The following NAP1L1 variants were observed in gnomAD, a reference collection of about 807,000 sequenced individuals.
NAP1L1 encodes the protein nucleosome assembly protein 1 like 1.
In NAP1L1, 9 loss-of-function variants were observed where a neutral mutation model predicts 58.9. The observed-to-expected ratio is 0.15, with a 90% CI of 0.09 to 0.27. The LOEUF is 0.27. Ranked by LOEUF, NAP1L1 falls within the 10% of genes least tolerant of loss-of-function variation. The pLI is 1.00. For missense variants in NAP1L1, 302 were observed against 458.8 expected (o/e 0.66, Z 3.12); for synonymous variants, 130 against 138.3 (o/e 0.94, Z 0.42).
In NAP1L1 at chr12:76,059,821, G is replaced by C; in HGVS notation, c.406C>G (p.Pro136Ala). 6.2e-7 allele frequency: 1 copy of C among 1,603,346 alleles called. No individual in the cohort carries two copies. The highest frequency in any genetic ancestry group is 8.5e-7 in the Non-Finnish European group (1 of 1,176,048). ...ACCGAAATCTCATCTTCTTCATCTG[G>C]TTTCCATTCACATTCTTCTTCCGTA... Reference protein sequence around the residue: ...EPTEEECEWKPDEEDEISEEL... With the variant: ...EPTEEECEWKADEEDEISEEL... The change falls in exon 6 of 15, where the codon CCA (proline) becomes GCA (alanine). Residue 136 changes from proline (P) to alanine (A), a missense_variant. Pro to Ala is a conservative substitution (Grantham distance 27). Transcript: ENST00000618691.
rs551222769 is a variant in NAP1L1 at position 76,048,245 on chromosome 12, G to A, written c.*184C>T. 52 of 560,914 alleles carry A rather than the reference G, an allele frequency of 9.3e-5. No individual in the cohort carries two copies. In the East Asian group the frequency reaches 1.0e-3, roughly 11 times the overall value. The allele number at this position is 560,914 out of a possible 1,614,324, so 34.7% of individuals were successfully genotyped here. A position where few individuals can be genotyped will look rare whatever the true frequency, so the allele number is the denominator to read the frequency against. On this transcript the variant is annotated 3_prime_UTR_variant, in exon 15 of 15. Transcript: ENST00000618691. ...CAGAATTTGTGCATTCAACATAGCT[G>A]GCAGAAAAACTAGTTAAAATGCTAG... is the stretch of plus-strand genomic sequence containing the variant.
At chr12:76,053,721 TAAC>T in intron 9 of NAP1L1, 46 bp downstream of exon 9, 2 of 1,581,882 alleles carry the variant, frequency 1.3e-6, no homozygotes, top group Non-Finnish European at 1.7e-6. Flanking sequence ...AAATCAAGTA[TAAC>T]AAAAACAGAA....
intron 4 of NAP1L1, chr12:76,061,231 G>A (rs1949399538): frequency 1.1e-5 from 2 of 179,094 alleles, no homozygotes; most frequent in African/African-American, 4.8e-5. Context: ...TATCACCCAA[G>A]TATTAAGCCC....
intron 4 of NAP1L1, among the ~76,000 whole-genome samples, chr12:76,066,278 T>C (rs1949668795): frequency 6.6e-6 from 1 of 151,924 alleles, no homozygotes; most frequent in African/African-American, 2.4e-5. Flanking sequence ...CAATACGAAA[T>C]GTAGCAGAAA....
In NAP1L1 at chr12:76,044,781, T is replaced by C. The variant is rs1039946694; in HGVS notation, c.*3648A>G. 2.0e-5 allele frequency: 3 copies of C among 152,166 alleles called. No homozygotes were observed. The highest frequency in any genetic ancestry group is 7.2e-5 in the African/African-American group (3 of 41,436). The allele number at this position is 152,166 out of a possible 1,614,324, so 9.4% of individuals were successfully genotyped here. On this transcript the variant is annotated 3_prime_UTR_variant, in exon 15 of 15. Coordinates refer to ENST00000618691, the MANE Select transcript of NAP1L1 (RefSeq NM_004537.7). ...CTGTATTTTTGAAAATATACATCAATCAAAATTTCTTATGAATACTTATCC... is the reference window on the plus strand; with the variant it reads ...CTGTATTTTTGAAAATATACATCAACCAAAATTTCTTATGAATACTTATCC...
At chr12:76,055,183 T>C (rs1407977427) in intron 7 of NAP1L1, 93 bp from the exon 8 acceptor site, 7 of 803,782 alleles carry the variant, frequency 8.7e-6, no homozygotes, top group Middle Eastern at 2.9e-4. Flanking sequence ...AGACATAATA[T>C]ATTTCAAAGT....
intron 11 of NAP1L1, among the ~76,000 whole-genome samples, chr12:76,051,997 G>C (rs1238662698): frequency 6.6e-6 from 1 of 151,564 alleles, no homozygotes; most frequent in Non-Finnish European, 1.5e-5. Flanking sequence ...CTGGATGACA[G>C]AGCAATACTT....
Position 76,038,359 on chromosome 12 carries a change from T to C in NAP1L1, c.*10070A>G, listed in dbSNP as rs2136930958. ...GGGCAAATACCTCCATTTAAGGAAC[T>C]AAATTCCAAGGATATTTCCCTCTTT... On this transcript the variant is annotated 3_prime_UTR_variant, in exon 15 of 15. Coordinates refer to ENST00000618691, the MANE Select transcript of NAP1L1 (RefSeq NM_004537.7). 1 of 152,310 alleles carries C rather than the reference T, an allele frequency of 6.6e-6. No individual in the cohort carries two copies. Among genetic ancestry groups the C allele is most frequent in the East Asian group, 1.9e-4 (1 of 5,190 alleles). The allele number at this position is 152,310 out of a possible 1,614,324, so 9.4% of individuals were successfully genotyped here.
chr12:76,063,852 G>GA (rs374333206), intron 4 of NAP1L1, among the ~76,000 whole-genome samples: 8 of 120,308 alleles, frequency 6.6e-5, no homozygotes, highest in Admixed American at 5.3e-4. Context: ...TGAAAAGATG[G>GA]AAAAAAAAGA....
In NAP1L1 at chr12:76,060,132, C is replaced by T. The variant is rs769595161; in HGVS notation, c.348+6G>A. On this transcript the variant is annotated splice_donor_region_variant and intron_variant, in intron 5 of 14. Transcript: ENST00000618691. ...TTAAATTAAACAAAGTAGGAGAAAG[C>T]ATTACCTTATCAAATAGAGGCTGAT... is the stretch of plus-strand genomic sequence containing the variant. 6.2e-7 allele frequency: 1 copy of T among 1,610,274 alleles called. No individual in the cohort carries two copies. The highest frequency in any genetic ancestry group is 8.5e-7 in the Non-Finnish European group (1 of 1,178,474).
At position 76,040,146 on chromosome 12, in the gene NAP1L1, T is replaced by A. The variant is rs1009632047; in HGVS notation, c.*8283A>T. The A allele has an allele frequency of 2.6e-5, 4 of 152,192 alleles. No individual in the cohort carries two copies. Among genetic ancestry groups the A allele is most frequent in the Admixed American group, 2.6e-4 (4 of 15,284 alleles). 9.4% of individuals were successfully genotyped at this position (152,192 alleles called of 1,614,324 possible). ...GGGGAAAAGCATATGTTTTTCTCCCTGAACAGGCATACAATATGTAATTTA... is the reference window on the plus strand; with the variant it reads ...GGGGAAAAGCATATGTTTTTCTCCCAGAACAGGCATACAATATGTAATTTA... On this transcript the variant is annotated 3_prime_UTR_variant, in exon 15 of 15. Transcript: ENST00000618691.
intron 3 of NAP1L1, 104 bp from the exon 4 acceptor site, chr12:76,067,577 A>G: frequency 1.2e-6 from 1 of 825,864 alleles, no homozygotes; most frequent in Non-Finnish European, 1.9e-6. Flanking sequence ...TGGCCCATAA[A>G]TTGCTGGTAT....
intron 1 of NAP1L1, among the ~76,000 whole-genome samples, chr12:76,082,262 T>G (rs988332655): frequency 1.3e-5 from 2 of 152,216 alleles, no homozygotes; most frequent in Non-Finnish European, 2.9e-5. Context: ...GAATATATTT[T>G]GAGAATTTAG....
Position 76,068,918 on chromosome 12 carries a change from T to C in NAP1L1, c.94A>G (p.Lys32Glu), listed in dbSNP as rs764296493. ...TAATTTAAAGTAATACCTTTGAGTT[T>C]TGTTTCTTCACCAGTTTCCTCTTCT... Reference protein sequence around the residue: ...VEEEETGEETKLKARQLTVQM... With the variant: ...VEEEETGEETELKARQLTVQM... Residue 32 changes from lysine to glutamate, a missense_variant, in exon 3 of 15, where the codon AAA becomes GAA. Transcript: ENST00000618691. 5.6e-6 allele frequency: 9 copies of C among 1,610,702 alleles called. 1 individual carries two copies. In the South Asian group the frequency reaches 7.7e-5, roughly 14 times the overall value.
intron 11 of NAP1L1, 115 bp from the exon 12 acceptor site, chr12:76,050,768 C>G: frequency 9.2e-7 from 1 of 1,089,398 alleles, no homozygotes; most frequent in East Asian, 2.7e-5. Context: ...AGTCCCAACA[C>G]TTCAGGAGGC....
intron 4 of NAP1L1, among the ~76,000 whole-genome samples, chr12:76,060,851 G>T (rs1172912689): frequency 6.6e-6 from 1 of 152,214 alleles, no homozygotes; most frequent in African/African-American, 2.4e-5. Context: ...CCAGCACCTT[G>T]GGAAGCCGAG....
At position 76,060,171 on chromosome 12, in the gene NAP1L1, C is replaced by T. The variant is rs772856698; in HGVS notation, c.315G>A (p.Lys105=). The change falls in exon 5 of 15, where the codon AAG becomes AAA. Residue 105 remains lysine, a synonymous_variant. Transcript: ENST00000618691. ...FYEEVHDLER[K]YAVLYQPLFD... is the part of the protein sequence containing the mutation. The stretch of plus-strand genomic sequence containing the variant: ...ATAGAGGCTGATAGAGAACAGCATA[C>T]TTCCTTTCAAGATCGTGAACTTCCT... 4 of 1,613,342 alleles carry T rather than the reference C, an allele frequency of 2.5e-6. No homozygotes were observed. Among genetic ancestry groups the T allele is most frequent in the Non-Finnish European group, 2.5e-6 (3 of 1,179,650 alleles).
rs1396497918 is a variant in NAP1L1, at chr12:76,046,918, C to A, written c.*1511G>T. 6.6e-6 allele frequency: 1 copy of A among 152,304 alleles called. No homozygotes were observed. The highest frequency in any genetic ancestry group is 2.4e-5 in the African/African-American group (1 of 41,380). 9.4% of individuals were successfully genotyped at this position (152,304 alleles called of 1,614,324 possible). On this transcript the variant is annotated 3_prime_UTR_variant, in exon 15 of 15. Transcript: ENST00000618691. ...ATGACTACAATACTATAGTGCTATCCCTGTAGTATTTACAATACAGTCATC... is the reference window on the plus strand; with the variant it reads ...ATGACTACAATACTATAGTGCTATCACTGTAGTATTTACAATACAGTCATC...
rs1294851390 is a variant in NAP1L1 at position 76,037,527 on chromosome 12, T to C, written c.*10902A>G. 1.3e-5 allele frequency: 2 copies of C among 152,244 alleles called. No individual in the cohort carries two copies. Among genetic ancestry groups the C allele is most frequent in the Non-Finnish European group, 2.9e-5 (2 of 68,042 alleles). The allele number at this position is 152,244 out of a possible 1,614,324, so 9.4% of individuals were successfully genotyped here. A position where few individuals can be genotyped will look rare whatever the true frequency, so the allele number is the denominator to read the frequency against. ...GGCCTTCAGTTTTACTCTTAAAACA[T>C]GACAGAAAACTTCTATTCGCCTCCA... is the stretch of plus-strand genomic sequence containing the variant. On this transcript the variant is annotated 3_prime_UTR_variant, in exon 15 of 15. Coordinates refer to ENST00000618691, the MANE Select transcript of NAP1L1 (RefSeq NM_004537.7).
Sources: gnomAD v4.1 joint callset for allele counts (sites outside exome capture counted in the v4.1 genomes callset) on GRCh38, gnomAD v4.1.1 for gene constraint, MANE v1.5 for transcripts, NCBI Gene and HGNC (gene_info 2026-07-23, HGNC 2026-07-21) for gene names.